PRRC2C: variants seen among roughly 807,000 people sequenced by gnomAD.
PRRC2C encodes proline rich coiled-coil 2C.
A neutral mutation model predicts 317.2 loss-of-function variants in PRRC2C; 72 were observed. The ratio of observed to expected loss-of-function variants is 0.23; its 90% CI spans 0.19 to 0.28. The LOEUF (loss-of-function observed/expected upper bound fraction) is 0.28. Ranked by LOEUF, PRRC2C falls within the 10% of genes least tolerant of loss-of-function variation. The probability of loss-of-function intolerance (pLI) is 1.00; values close to 1 mark genes in which losing one functional copy is unlikely to be tolerated. For synonymous variants in PRRC2C, 1,296 were observed against 1,205.9 expected (o/e 1.07, Z -1.55); for missense variants, 3,074 against 3,459.7 (o/e 0.89, Z 2.80).
At chr1:171,552,123 T>C (rs575311384) in intron 18 of PRRC2C, among the ~76,000 whole-genome samples, 12 of 152,242 alleles carry the variant, frequency 7.9e-5, no homozygotes, top group African/African-American at 2.4e-4. Context: ...TTGTTTGTGT[T>C]CTCTTTTATT....
chr1:171,512,030 A>G lies in PRRC2C; in HGVS notation c.-57-2A>G. On this transcript the variant is annotated splice_acceptor_variant, in intron 1 of 34. Coordinates refer to ENST00000647382, the MANE Select transcript of PRRC2C (RefSeq NM_001387844.1). LOFTEE classifies it low-confidence loss of function (5UTR_SPLICE). ...ATTTTTCTTTCTTATGTACATCTTA[A>G]GGACTGGGGTTTTAAGGGGTGTGGC... 1 of 878,706 alleles carries G rather than the reference A, an allele frequency of 1.1e-6. No homozygotes were observed. The highest frequency in any genetic ancestry group is 1.7e-6 in the Non-Finnish European group (1 of 573,282). The allele number at this position is 878,706 out of a possible 1,614,324, so 54.4% of individuals were successfully genotyped here.
chr1:171,585,590 A>C (rs146410810), intron 30 of PRRC2C, among the ~76,000 whole-genome samples: 1 of 152,188 alleles, frequency 6.6e-6, no homozygotes, highest in Non-Finnish European at 1.5e-5. Context: ...CTCATAGCTC[A>C]TTTTGACCAG....
At chr1:171,523,172 T>A (rs1471213186) in intron 7 of PRRC2C, 49 bp from the exon 8 acceptor site, 1 of 1,514,276 alleles carries the variant, frequency 6.6e-7, no homozygotes, top group Non-Finnish European at 8.9e-7. Flanking sequence ...ATTCTCCCAG[T>A]TTAGTATCAT....
chr1:171,573,779 C>G (rs1489555649), intron 24 of PRRC2C, among the ~76,000 whole-genome samples: 1 of 146,644 alleles, frequency 6.8e-6, no homozygotes, highest in South Asian at 2.1e-4. Flanking sequence ...CCCGGGTTCA[C>G]GCAATTCTCC....
chr1:171,590,000 T>A (rs933618537), intron 34 of PRRC2C, among the ~76,000 whole-genome samples: 43 of 149,788 alleles, frequency 2.9e-4, no homozygotes, highest in South Asian at 1.5e-3. Context: ...TTTTTTTTTT[T>A]AATATATATT....
chr1:171,507,942 C>T (rs1670560966), intron 1 of PRRC2C, among the ~76,000 whole-genome samples: 1 of 152,098 alleles, frequency 6.6e-6, no homozygotes, highest in Admixed American at 6.6e-5. Flanking sequence ...ATTTCCTTTT[C>T]ATCTAGGTTG....
rs766005400 is a variant in PRRC2C, at chr1:171,557,956, T to C, written c.5844T>C (p.Thr1948=). 1.3e-6 allele frequency: 2 copies of C among 1,596,580 alleles called. No homozygotes were observed. Among genetic ancestry groups the C allele is most frequent in the South Asian group, 2.2e-5 (2 of 89,958 alleles). ...AACCAGTCCAGAATCCACTACAGAC[T>C]ACATCTCAGTCTTCAAAACAACCAC... ...THKPVQNPLQ[T]TSQSSKQPPP... is the part of the protein sequence containing the mutation. The change falls in exon 19 of 35, where the codon ACT becomes ACC. Residue 1948 remains threonine (T), a synonymous_variant. Transcript: ENST00000647382.
chr1:171,561,114 G>C lies in PRRC2C; in HGVS notation c.6117+11G>C. On this transcript the variant is annotated intron_variant, in intron 20 of 34. Coordinates refer to ENST00000647382, the MANE Select transcript of PRRC2C (RefSeq NM_001387844.1). Reference sequence around the variant, plus strand: ...GCTCCTTCATCAGAGGTAAGAATAGGCTTTTAACAGCATAGGTGTGCTGGA... The same window carrying C: ...GCTCCTTCATCAGAGGTAAGAATAGCCTTTTAACAGCATAGGTGTGCTGGA... 1 of 1,556,934 alleles carries C rather than the reference G, an allele frequency of 6.4e-7. No individual in the cohort carries two copies. The highest frequency in any genetic ancestry group is 8.9e-7 in the Non-Finnish European group (1 of 1,128,296).
intron 28 of PRRC2C, among the ~76,000 whole-genome samples, chr1:171,580,199 G>A (rs1325239222): frequency 6.6e-6 from 1 of 152,170 alleles, no homozygotes; most frequent in African/African-American, 2.4e-5. Context: ...GTGAACAACA[G>A]CAACCCCAAA....
rs565948882 is a variant in PRRC2C at position 171,562,985 on chromosome 1, G to C, written c.6117+1882G>C. On this transcript the variant is annotated intron_variant, in intron 20 of 34. Transcript: ENST00000647382. ...ATCCTAAAAGTCAAGTGAAAGATAA[G>C]TTCAAAGAAGGGATAGATTAAGTGT... Among the ~76,000 whole-genome samples, 194 of 152,266 alleles carry C rather than the reference G, an allele frequency of 1.3e-3. 2 individuals are homozygous for C. In the South Asian group the frequency reaches 0.019, roughly 15 times the overall value.
chr1:171,535,885 G>T, intron 13 of PRRC2C, 144 bp from the exon 14 acceptor site: 1 of 1,126,392 alleles, frequency 8.9e-7, no homozygotes, highest in Non-Finnish European at 1.3e-6. Flanking sequence ...TTTTTGTCTT[G>T]CCAACTCTTA....
At position 171,577,614 on chromosome 1, in the gene PRRC2C, T is replaced by G; in HGVS notation, c.7136T>G (p.Val2379Gly). 6.2e-7 allele frequency: 1 copy of G among 1,613,452 alleles called. No homozygotes were observed. Among genetic ancestry groups the G allele is most frequent in the South Asian group, 1.1e-5 (1 of 91,068 alleles). The change falls in exon 26 of 35, where the codon GTT (valine) becomes GGT (glycine). Residue 2379 changes from valine (V) to glycine (G), a missense_variant. Coordinates refer to ENST00000647382, the MANE Select transcript of PRRC2C (RefSeq NM_001387844.1). ...LIAQQQQNPQ[V>G]YVSQSAAAQI... The stretch of plus-strand genomic sequence containing the variant: ...GCCCAGCAGCAACAGAATCCGCAAG[T>G]TTATGTGTCTCAGTCTGCAGCAGGT...
At chr1:171,515,598 ATATGGC>A in intron 4 of PRRC2C, 130 bp from the exon 5 acceptor site, 1 of 704,352 alleles carries the variant, frequency 1.4e-6, no homozygotes, top group South Asian at 2.8e-5. Flanking sequence ...TTTTAAAGTG[ATATGGC>A]TATGAACAGT....
intron 18 of PRRC2C, among the ~76,000 whole-genome samples, chr1:171,555,181 A>G (rs1027456724): frequency 5.3e-5 from 8 of 151,966 alleles, no homozygotes; most frequent in Non-Finnish European, 1.0e-4. Flanking sequence ...TTTTTTCTCT[A>G]AACTTCTCTT....
chr1:171,580,030 C>T (rs1431520327), intron 28 of PRRC2C, 66 bp downstream of exon 28: 46 of 1,339,518 alleles, frequency 3.4e-5, no homozygotes, highest in South Asian at 4.3e-5. Context: ...TCCTCCTTGC[C>T]GTAATCCATA....
intron 31 of PRRC2C, 115 bp from the exon 32 acceptor site, chr1:171,587,533 G>T (rs572597594): frequency 1.4e-6 from 1 of 712,078 alleles, no homozygotes; most frequent in South Asian, 1.9e-5. Flanking sequence ...TAGGAGTTTT[G>T]TACTAAGGTT....
rs757443516 is a variant in PRRC2C at position 171,584,121 on chromosome 1, T to C, written c.7575T>C (p.Tyr2525=). The C allele has an allele frequency of 1.2e-6, 2 of 1,614,024 alleles. No homozygotes were observed. Among genetic ancestry groups the C allele is most frequent in the Admixed American group, 1.7e-5 (1 of 60,032 alleles). Reference sequence around the variant, plus strand: ...ATACTCAGCCCATTCCTATATTGTATGAACATCAACTGGGGCAGGCATCAG... The same window carrying C: ...ATACTCAGCCCATTCCTATATTGTACGAACATCAACTGGGGCAGGCATCAG... The part of the protein sequence containing the change: ...TSNTQPIPIL[Y]EHQLGQASGL... The change falls in exon 29 of 35, where the codon TAT becomes TAC. Residue 2525 remains tyrosine (Y), a synonymous_variant. Coordinates refer to ENST00000647382, the MANE Select transcript of PRRC2C (RefSeq NM_001387844.1).
intron 28 of PRRC2C, among the ~76,000 whole-genome samples, chr1:171,581,491 T>C (rs958693010): frequency 6.6e-6 from 1 of 152,222 alleles, no homozygotes; most frequent in Non-Finnish European, 1.5e-5. Flanking sequence ...GATATACTTT[T>C]TAAGACCAGA....
At chr1:171,522,742 C>G (rs999089116) in intron 7 of PRRC2C, among the ~76,000 whole-genome samples, 10 of 152,148 alleles carry the variant, frequency 6.6e-5, no homozygotes, top group African/African-American at 2.2e-4. Context: ...CCATTACACT[C>G]CAGCCTGAGC....
Sources: gnomAD v4.1 joint callset for allele counts (sites outside exome capture counted in the v4.1 genomes callset) on GRCh38, gnomAD v4.1.1 for gene constraint, MANE v1.5 for transcripts, NCBI Gene and HGNC (gene_info 2026-07-23, HGNC 2026-07-21) for gene names.